The following CSMD1 variants were observed in gnomAD, a reference collection of about 807,000 sequenced individuals.
CSMD1 encodes the protein CUB and sushi domain-containing protein 1.
CSMD1 carries 213 observed loss-of-function variants against 417.5 expected under a neutral mutation model. That is an observed-to-expected ratio of 0.51 (90% CI 0.46 to 0.57). The LOEUF (loss-of-function observed/expected upper bound fraction) is 0.57. CSMD1 is among the 20% of genes least tolerant of loss of function. The pLI is 0.00. For synonymous variants in CSMD1, 2,862 were observed against 1,736.8 expected, an observed-to-expected ratio of 1.65 and a Z score of -16.11; for missense variants, 6,923 against 4,529.7, an observed-to-expected ratio of 1.53 and a Z score of -15.17.
At chr8:3,830,662 TCAC>T (rs1802325427) in intron 5 of CSMD1, among the ~76,000 whole-genome samples, 1 of 152,130 alleles carries the variant, frequency 6.6e-6, no homozygotes, top group Non-Finnish European at 1.5e-5. Context: ...GCCTAGGAAT[TCAC>T]ACTCAGAAAA....
At position 4,238,186 on chromosome 8, in the gene CSMD1, G is replaced by A. The variant is rs145299982; in HGVS notation, c.415+181767C>T. Among the ~76,000 whole-genome samples the A allele has an allele frequency of 3.8e-3, 582 of 152,320 alleles. 4 individuals carry two copies. Among genetic ancestry groups the A allele is most frequent in the African/African-American group, 0.013 (557 of 41,566 alleles). On this transcript the variant is annotated intron_variant, in intron 3 of 69. Transcript: ENST00000635120. ...CCCAAAGGACATCTTAGAATGCCAA[G>A]TACGTCGATATTAACACACTCCCAC...
chr8:3,874,691 T>A (rs1805697820), intron 5 of CSMD1, among the ~76,000 whole-genome samples: 1 of 151,998 alleles, frequency 6.6e-6, no homozygotes, highest in Non-Finnish European at 1.5e-5. Flanking sequence ...ACTCTGCAAG[T>A]CCCTCCTACA....
chr8:3,023,449 A>T (rs1218658975), intron 51 of CSMD1, among the ~76,000 whole-genome samples: 1 of 152,198 alleles, frequency 6.6e-6, no homozygotes, highest in African/African-American at 2.4e-5. Flanking sequence ...CTACTTGTGT[A>T]AAGACTTTGT....
chr8:3,727,534 C>G (rs1802563825), intron 6 of CSMD1, among the ~76,000 whole-genome samples: 1 of 152,118 alleles, frequency 6.6e-6, no homozygotes, highest in Admixed American at 6.5e-5. Context: ...AATGAGGCAG[C>G]TGTCGTGAAA....
At chr8:4,925,022 T>A (rs1806759163) in intron 1 of CSMD1, among the ~76,000 whole-genome samples, 1 of 152,076 alleles carries the variant, frequency 6.6e-6, no homozygotes, top group Non-Finnish European at 1.5e-5. Flanking sequence ...CTGGAATGAA[T>A]GAGCAAGTGA....
At chr8:3,426,248 C>T (rs146973832) in intron 12 of CSMD1, among the ~76,000 whole-genome samples, 58 of 152,260 alleles carry the variant, frequency 3.8e-4, no homozygotes, top group African/African-American at 8.9e-4. Context: ...TACTCCTAAA[C>T]GTTCCATCCT....
intron 6 of CSMD1, among the ~76,000 whole-genome samples, chr8:3,724,135 C>G (rs117522007): frequency 0.069 from 10,206 of 148,152 alleles, 3,603 homozygotes; most frequent in Middle Eastern, 0.15. Context: ...CAGCCTCTTT[C>G]ACCATGCCAG....
chr8:4,733,522 A>G (rs1020506259), intron 1 of CSMD1, among the ~76,000 whole-genome samples: 3 of 152,338 alleles, frequency 2.0e-5, no homozygotes, highest in African/African-American at 7.2e-5. Flanking sequence ...TGGTGCAACA[A>G]GGAAGATAGA....
intron 1 of CSMD1, among the ~76,000 whole-genome samples, chr8:4,939,490 T>C (rs115260969): frequency 0.012 from 1,817 of 152,326 alleles, 31 homozygotes; most frequent in African/African-American, 0.042. Context: ...AGTCCTGTCA[T>C]TTGTGACAAT....
intron 3 of CSMD1, among the ~76,000 whole-genome samples, chr8:4,281,989 A>G (rs1184023543): frequency 1.3e-5 from 2 of 152,234 alleles, no homozygotes; most frequent in African/African-American, 2.4e-5. Flanking sequence ...GCATTCAACT[A>G]TAGCAAGGTG....
intron 3 of CSMD1, among the ~76,000 whole-genome samples, chr8:4,159,100 G>C (rs187337066): frequency 4.6e-5 from 7 of 152,130 alleles, no homozygotes; most frequent in South Asian, 2.1e-4. Context: ...ATTTTTAGTA[G>C]AGACGAGGCT....
At chr8:4,858,425 C>T (rs1271461326) in intron 1 of CSMD1, among the ~76,000 whole-genome samples, 1 of 149,386 alleles carries the variant, frequency 6.7e-6, no homozygotes, top group Non-Finnish European at 1.5e-5. Context: ...GGCAATTAGG[C>T]AGGAAAAGGA....
chr8:3,868,585 C>G (rs142473051), intron 5 of CSMD1, among the ~76,000 whole-genome samples: 91 of 152,202 alleles, frequency 6.0e-4, no homozygotes, highest in African/African-American at 2.0e-3. Flanking sequence ...GTCCAGCAGC[C>G]CACTCAGCTC....
chr8:3,421,994 G>A (rs867840795), intron 12 of CSMD1, among the ~76,000 whole-genome samples: 109 of 149,646 alleles, frequency 7.3e-4, no homozygotes, highest in African/African-American at 2.5e-3. Context: ...GGCTTAGAGC[G>A]TGAGCCACCG....
Position 3,284,214 on chromosome 8 carries a change from G to C in CSMD1, c.4083C>G (p.Phe1361Leu). ...SALPEDIHSTFNSLTLQFDSD... is the reference protein window; with the variant it reads ...SALPEDIHSTLNSLTLQFDSD... ...TGTCGAACTGCAGGGTGAGTGAGTT[G>C]AAGGTGCTGTGGATGTCCTCCGGAA... The change falls in exon 26 of 70, where the codon TTC (phenylalanine) becomes TTG (leucine). Residue 1361 changes from phenylalanine to leucine, a missense_variant. Coordinates refer to ENST00000635120, the MANE Select transcript of CSMD1 (RefSeq NM_033225.6). 1 of 1,610,904 alleles carries C rather than the reference G, an allele frequency of 6.2e-7. No homozygotes were observed. The highest frequency in any genetic ancestry group is 8.5e-7 in the Non-Finnish European group (1 of 1,178,582).
At chr8:4,333,741 C>G (rs1248899657) in intron 3 of CSMD1, among the ~76,000 whole-genome samples, 1 of 152,108 alleles carries the variant, frequency 6.6e-6, no homozygotes, top group Admixed American at 6.6e-5. Flanking sequence ...ATTCCAAGAT[C>G]TAGTCCGCTG....
intron 3 of CSMD1, among the ~76,000 whole-genome samples, chr8:4,242,126 A>G (rs201577700): frequency 7.9e-5 from 12 of 152,356 alleles, no homozygotes; most frequent in East Asian, 3.9e-4. Context: ...TCTAAGAATT[A>G]TATGTCTTTC....
intron 3 of CSMD1, among the ~76,000 whole-genome samples, chr8:4,174,962 T>A (rs549604876): frequency 8.6e-5 from 13 of 151,554 alleles, no homozygotes; most frequent in Admixed American, 1.3e-4. Context: ...TTAAAATTAG[T>A]ATTGATGGCT....
At chr8:3,563,442 TAAAAA>T (rs60108067) in intron 10 of CSMD1, among the ~76,000 whole-genome samples, 1 of 62,784 alleles carries the variant, frequency 1.6e-5, no homozygotes, top group African/African-American at 5.9e-5. Flanking sequence ...TATTAAAAGG[TAAAAA>T]AAAAAAAAAA....
Sources: gnomAD v4.1 joint callset for allele counts (sites outside exome capture counted in the v4.1 genomes callset) on GRCh38, gnomAD v4.1.1 for gene constraint, MANE v1.5 for transcripts, NCBI Gene and HGNC (gene_info 2026-07-23, HGNC 2026-07-21) for gene names.